The following SIRPB1 variants were observed in gnomAD, a reference collection of about 807,000 sequenced individuals.
SIRPB1 encodes signal-regulatory protein beta-1.
Under a neutral mutation model 34.1 loss-of-function variants are expected in SIRPB1, and 28 were observed. The ratio of observed to expected loss-of-function variants is 0.82; its 90% CI spans 0.61 to 1.12. SIRPB1 has a LOEUF of 1.12. SIRPB1 is among the 50% of genes most tolerant of loss of function. SIRPB1 has a pLI of 0.00. For synonymous variants in SIRPB1, 211 were observed against 203.8 expected, an observed-to-expected ratio of 1.04 and a Z score of -0.30; for missense variants, 499 against 507.0, an observed-to-expected ratio of 0.98 and a Z score of 0.15.
At position 1,564,329 on chromosome 20, in the gene SIRPB1, A is replaced by T. The variant is rs907924628; in HGVS notation, c.*1171T>A. On this transcript the variant is annotated 3_prime_UTR_variant, in exon 6 of 6. Coordinates refer to ENST00000381605, the MANE Select transcript of SIRPB1 (RefSeq NM_006065.5). ...AAGGGCTAAAGAAAAATTAATTAGG[A>T]TAAGAGAAATTAGAATGCCGGGATA... The T allele has an allele frequency of 6.6e-6, 1 of 152,200 alleles. No individual in the cohort carries two copies. Among genetic ancestry groups the T allele is most frequent in the Non-Finnish European group, 1.5e-5 (1 of 68,048 alleles). 9.4% of individuals were successfully genotyped at this position (152,200 alleles called of 1,614,324 possible).
Position 1,582,706 on chromosome 20 carries a change from A to G in SIRPB1, c.77-4012T>C. On this transcript the variant is annotated intron_variant, in intron 1 of 5. Coordinates refer to ENST00000381605, the MANE Select transcript of SIRPB1 (RefSeq NM_006065.5). ...ATTTGATACAGAAGACGATTTGACAAATTTGGGGATCTTTTTATGACAAAA... is the reference window on the plus strand; with the variant it reads ...ATTTGATACAGAAGACGATTTGACAGATTTGGGGATCTTTTTATGACAAAA... Among the ~76,000 whole-genome samples the G allele has an allele frequency of 4.1e-5, 2 of 49,376 alleles. 1 individual carries two copies. The highest frequency in any genetic ancestry group is 7.8e-5 in the Non-Finnish European group (2 of 25,504). The allele number at this position is 49,376 out of a possible 152,430, so 32.4% of individuals were successfully genotyped here.
At position 1,562,057 on chromosome 20, in the gene SIRPB1, T is replaced by C. The variant is rs867534278; in HGVS notation, c.*3443A>G. Among the ~76,000 whole-genome samples, 1 of 152,210 alleles carries C rather than the reference T, an allele frequency of 6.6e-6. No homozygotes were observed. The highest frequency in any genetic ancestry group is 1.5e-5 in the Non-Finnish European group (1 of 68,030). ...CTATAACTCATTACTACTTTACTTA[T>C]TTTTTTGCTGAAAGTGTTCCAGCTT... On this transcript the variant is annotated 3_prime_UTR_variant, in exon 6 of 6. Coordinates refer to ENST00000381605, the MANE Select transcript of SIRPB1 (RefSeq NM_006065.5).
At chr20:1,619,039 G>A (rs2091670701) in intron 1 of SIRPB1, among the ~76,000 whole-genome samples, 1 of 152,154 alleles carries the variant, frequency 6.6e-6, no homozygotes, top group South Asian at 2.1e-4. Flanking sequence ...ATAAGAAGAG[G>A]AGATGAGGAC....
intron 1 of SIRPB1, among the ~76,000 whole-genome samples, chr20:1,615,151 G>A (rs971540983): frequency 1.3e-5 from 2 of 152,056 alleles, no homozygotes; most frequent in Non-Finnish European, 2.9e-5. Context: ...AAATCAACAG[G>A]CCCTCCTGTT....
At position 1,566,260 on chromosome 20, in the gene SIRPB1, C is replaced by A; in HGVS notation, c.1092G>T (p.Ala364=). 6.3e-7 allele frequency: 1 copy of A among 1,599,696 alleles called. No individual in the cohort carries two copies. Among genetic ancestry groups the A allele is most frequent in the Non-Finnish European group, 8.5e-7 (1 of 1,173,242 alleles). ...CGAGGAGTGGAGCAGTAGGAGCCAG[C>A]GCTGCTTCTGGAAATCAGGGAAGAG... ...EHGSDITHEA[A]LAPTAPLLVA... is the part of the protein sequence containing the mutation. The change falls in exon 5 of 6, where the codon GCG becomes GCT. Residue 364 remains alanine (A), a synonymous_variant. Coordinates refer to ENST00000381605, the MANE Select transcript of SIRPB1 (RefSeq NM_006065.5).
In SIRPB1 at chr20:1,562,455, C is replaced by A. The variant is rs1032860682; in HGVS notation, c.*3045G>T. 2.6e-5 allele frequency among the ~76,000 whole-genome samples: 4 copies of A among 151,630 alleles called. No homozygotes were observed. The highest frequency in any genetic ancestry group is 4.2e-4 in the South Asian group (2 of 4,810). ...ATCCTCCCCCACCCCCAACCCCCCA[C>A]GATATAACTGACATTCCATTTGCGT... On this transcript the variant is annotated 3_prime_UTR_variant, in exon 6 of 6. Coordinates refer to ENST00000381605, the MANE Select transcript of SIRPB1 (RefSeq NM_006065.5).
chr20:1,619,996 G>A lies in SIRPB1; in HGVS notation c.-52C>T, dbSNP rs367857015. On this transcript the variant is annotated 5_prime_UTR_variant, in exon 1 of 6. Transcript: ENST00000381605. ...TCCAAACGTCTGTGCTGGGAAGATC[G>A]CAGACTCTGCTCTGAGGAGAGAAGA... The A allele has an allele frequency of 6.7e-5, 103 of 1,535,966 alleles. 1 individual carries two copies. Among genetic ancestry groups the A allele is most frequent in the Admixed American group, 2.4e-4 (12 of 50,066 alleles).
rs2091343706 is a variant in SIRPB1 at position 1,578,132 on chromosome 20, A to G, written c.433+206T>C. 8 of 602,404 alleles carry G rather than the reference A, an allele frequency of 1.3e-5. No individual in the cohort carries two copies. In the South Asian group the frequency reaches 1.4e-4, roughly 10 times the overall value. The allele number at this position is 602,404 out of a possible 1,614,324, so 37.3% of individuals were successfully genotyped here. A position where few individuals can be genotyped will look rare whatever the true frequency, so the allele number is the denominator to read the frequency against. On this transcript the variant is annotated intron_variant, in intron 2 of 5. Coordinates refer to ENST00000381605, the MANE Select transcript of SIRPB1 (RefSeq NM_006065.5). ...GCAGACTGGGGATGCCTTCTGTCCCATCATTTACAAGCCGTGGAGCCTCGA... is the reference window on the plus strand; with the variant it reads ...GCAGACTGGGGATGCCTTCTGTCCCGTCATTTACAAGCCGTGGAGCCTCGA...
At chr20:1,570,082 T>A (rs556959123) in intron 4 of SIRPB1, among the ~76,000 whole-genome samples, 2 of 152,318 alleles carry the variant, frequency 1.3e-5, no homozygotes, top group African/African-American at 4.8e-5. Context: ...AATAACCTGG[T>A]CTAATGACAA....
chr20:1,617,795 T>C (rs528708749), intron 1 of SIRPB1, among the ~76,000 whole-genome samples: 12 of 152,310 alleles, frequency 7.9e-5, no homozygotes, highest in African/African-American at 2.9e-4. Flanking sequence ...ATGATAAGTA[T>C]ATACAGTTCT....
chr20:1,617,232 C>T (rs1270665472), intron 1 of SIRPB1, among the ~76,000 whole-genome samples: 1 of 152,194 alleles, frequency 6.6e-6, no homozygotes, highest in Non-Finnish European at 1.5e-5. Flanking sequence ...ACAGAGATAT[C>T]TGTGCTCCCA....
chr20:1,614,833 C>G (rs1188983174), intron 1 of SIRPB1, among the ~76,000 whole-genome samples: 1 of 152,132 alleles, frequency 6.6e-6, no homozygotes, highest in Non-Finnish European at 1.5e-5. Flanking sequence ...ATTTGCTACT[C>G]TGATTGGCTC....
intron 2 of SIRPB1, among the ~76,000 whole-genome samples, chr20:1,576,313 T>C (rs1465370246): frequency 6.8e-6 from 1 of 148,050 alleles, no homozygotes. Context: ...TACATTTTCA[T>C]GTACATACAT....
At chr20:1,568,131 G>A (rs570636152) in intron 4 of SIRPB1, among the ~76,000 whole-genome samples, 1 of 152,292 alleles carries the variant, frequency 6.6e-6, no homozygotes, top group African/African-American at 2.4e-5. Flanking sequence ...CAGTGGCATC[G>A]CTACTTGTCG....
chr20:1,571,720 C>T lies in SIRPB1; in HGVS notation c.751G>A (p.Val251Ile), dbSNP rs1048439475. ...GTANLSEAIR[V>I]PPTLEVTQQP... is the part of the protein sequence containing the mutation. ...TGGGCTGGGTGTGAGGGTCTTCTAC[C>T]TCGGATGGCCTCAGACAAGTTGGCA... The change falls in exon 3 of 6, where the codon GTT becomes ATT. Residue 251 changes from valine (V) to isoleucine (I), a missense_variant and splice_region_variant. Val to Ile is a conservative substitution (Grantham distance 29). Coordinates refer to ENST00000381605, the MANE Select transcript of SIRPB1 (RefSeq NM_006065.5). 6.2e-7 allele frequency: 1 copy of T among 1,614,192 alleles called. No individual in the cohort carries two copies. Among genetic ancestry groups the T allele is most frequent in the Non-Finnish European group, 8.5e-7 (1 of 1,180,038 alleles).
intron 1 of SIRPB1, among the ~76,000 whole-genome samples, chr20:1,616,732 C>G (rs566081579): frequency 8.5e-5 from 13 of 152,058 alleles, no homozygotes; most frequent in Admixed American, 7.9e-4. Context: ...TCTACACAGC[C>G]AAGGAAACAA....
intron 2 of SIRPB1, among the ~76,000 whole-genome samples, chr20:1,577,434 C>T (rs1208535794): frequency 6.8e-6 from 1 of 147,770 alleles, no homozygotes; most frequent in African/African-American, 2.5e-5. Context: ...AAGGTCCTTC[C>T]TGTGCTGACA....
At chr20:1,619,156 G>C (rs1370576664) in intron 1 of SIRPB1, among the ~76,000 whole-genome samples, 1 of 152,142 alleles carries the variant, frequency 6.6e-6, no homozygotes, top group Non-Finnish European at 1.5e-5. Flanking sequence ...CTGACACCTT[G>C]ATCTTGGACT....
In SIRPB1 at chr20:1,599,962, G is replaced by A. The variant is rs1412103180; in HGVS notation, c.76+19907C>T. Among the ~76,000 whole-genome samples, 2 of 50,130 alleles carry A rather than the reference G, an allele frequency of 4.0e-5. 1 individual carries two copies. The highest frequency in any genetic ancestry group is 7.8e-5 in the Non-Finnish European group (2 of 25,694). 32.9% of individuals were successfully genotyped at this position (50,130 alleles called of 152,430 possible). On this transcript the variant is annotated intron_variant, in intron 1 of 5. Coordinates refer to ENST00000381605, the MANE Select transcript of SIRPB1 (RefSeq NM_006065.5). ...CACTTTTTTTTGTATCAGACCTCGCGCTCCTTGATTGGATTCTACATGCAG... is the reference window on the plus strand; with the variant it reads ...CACTTTTTTTTGTATCAGACCTCGCACTCCTTGATTGGATTCTACATGCAG...
Sources: gnomAD v4.1 joint callset for allele counts (sites outside exome capture counted in the v4.1 genomes callset) on GRCh38, gnomAD v4.1.1 for gene constraint, MANE v1.5 for transcripts, NCBI Gene and HGNC (gene_info 2026-07-23, HGNC 2026-07-21) for gene names.